The following MAML3 variants were observed in gnomAD, a reference collection of about 807,000 sequenced individuals.
MAML3 encodes mastermind like transcriptional coactivator 3.
A neutral mutation model predicts 101.9 loss-of-function variants in MAML3; 27 were observed. The observed-to-expected ratio is 0.27, with a 90% CI of 0.20 to 0.37. The LOEUF is 0.37. Ranked by LOEUF, MAML3 falls within the 10% of genes least tolerant of loss-of-function variation. The probability of loss-of-function intolerance (pLI) is 1.00; values close to 1 mark genes in which losing one functional copy is unlikely to be tolerated. For synonymous variants in MAML3, 501 were observed against 555.9 expected (o/e 0.90, Z 1.39); for missense variants, 1,316 against 1,444.9 (o/e 0.91, Z 1.45).
intron 4 of MAML3, among the ~76,000 whole-genome samples, chr4:139,720,721 T>C (rs1336529056): frequency 6.6e-6 from 1 of 152,234 alleles, no homozygotes. Context: ...CGTACTCTTA[T>C]AGGTATGACA....
At chr4:140,137,077 C>T (rs1728901421) in intron 1 of MAML3, among the ~76,000 whole-genome samples, 1 of 152,270 alleles carries the variant, frequency 6.6e-6, no homozygotes, top group African/African-American at 2.4e-5. Flanking sequence ...CAGGCTCCGC[C>T]TCCCGGGTTC....
chr4:139,869,609 G>A (rs746426067), intron 2 of MAML3, among the ~76,000 whole-genome samples: 9 of 152,136 alleles, frequency 5.9e-5, no homozygotes, highest in Non-Finnish European at 1.5e-5. Context: ...AAATACACCA[G>A]CACCTATGTG....
At chr4:139,742,955 C>T (rs892528555) in intron 2 of MAML3, among the ~76,000 whole-genome samples, 3 of 152,186 alleles carry the variant, frequency 2.0e-5, no homozygotes, top group Non-Finnish European at 4.4e-5. Context: ...GCACCAGTTT[C>T]CTAATTTCTT....
chr4:139,993,063 C>G (rs1289013639), intron 1 of MAML3, among the ~76,000 whole-genome samples: 5 of 152,208 alleles, frequency 3.3e-5, no homozygotes, highest in Admixed American at 1.3e-4. Flanking sequence ...AAAATATAGA[C>G]ATACAGGGCC....
chr4:140,021,849 C>G (rs1726738624), intron 1 of MAML3, among the ~76,000 whole-genome samples: 1 of 152,190 alleles, frequency 6.6e-6, no homozygotes. Flanking sequence ...AGGTCCACCC[C>G]ACTCCATCAG....
At chr4:140,146,460 A>G (rs974298590) in intron 1 of MAML3, among the ~76,000 whole-genome samples, 2 of 152,230 alleles carry the variant, frequency 1.3e-5, no homozygotes, top group Admixed American at 6.5e-5. Flanking sequence ...TTTTCTGCAT[A>G]ATTTTATCTA....
At chr4:139,750,591 A>G (rs6845848) in intron 2 of MAML3, among the ~76,000 whole-genome samples, 62,089 of 152,002 alleles carry the variant, frequency 0.41, 14,542 homozygotes, top group Middle Eastern at 0.54. Context: ...GACACACTGG[A>G]ATTCACTCCT....
At chr4:140,027,256 T>C (rs1355946575) in intron 1 of MAML3, among the ~76,000 whole-genome samples, 1 of 152,210 alleles carries the variant, frequency 6.6e-6, no homozygotes, top group East Asian at 1.9e-4. Context: ...GCTCCAGTTG[T>C]TTTCCTCATG....
At chr4:140,065,225 A>T (rs1727514717) in intron 1 of MAML3, among the ~76,000 whole-genome samples, 1 of 152,158 alleles carries the variant, frequency 6.6e-6, no homozygotes, top group Non-Finnish European at 1.5e-5. Context: ...ATAGTGAGAG[A>T]TGTGAAAAGT....
intron 1 of MAML3, among the ~76,000 whole-genome samples, chr4:139,965,957 GA>G (rs1164498569): frequency 2.0e-5 from 3 of 152,170 alleles, no homozygotes; most frequent in Non-Finnish European, 4.4e-5. Flanking sequence ...GGGCACTGGT[GA>G]AAAACTATCT....
chr4:139,832,571 C>A (rs1280693756), intron 2 of MAML3, among the ~76,000 whole-genome samples: 1 of 152,162 alleles, frequency 6.6e-6, no homozygotes, highest in Non-Finnish European at 1.5e-5. Context: ...TTCTTCCCAA[C>A]TTCGTTCTTC....
intron 1 of MAML3, among the ~76,000 whole-genome samples, chr4:140,100,940 A>G (rs542650538): frequency 5.9e-5 from 9 of 152,268 alleles, no homozygotes; most frequent in Admixed American, 5.9e-4. Flanking sequence ...TGTAAGAAAT[A>G]TGAGTACCCT....
At chr4:140,110,652 A>T (rs1482020255) in intron 1 of MAML3, among the ~76,000 whole-genome samples, 4 of 151,980 alleles carry the variant, frequency 2.6e-5, no homozygotes, top group African/African-American at 9.7e-5. Flanking sequence ...GGCAACATTC[A>T]AAGTCACATG....
intron 2 of MAML3, among the ~76,000 whole-genome samples, chr4:139,798,025 G>GGAGA (rs373492658): frequency 5.8e-4 from 75 of 128,842 alleles, no homozygotes; most frequent in African/African-American, 1.9e-3. Flanking sequence ...AGGAAAGAAA[G>GGAGA]GAGAGAGAGA....
At chr4:139,974,617 A>G (rs1008594356) in intron 1 of MAML3, among the ~76,000 whole-genome samples, 4 of 152,186 alleles carry the variant, frequency 2.6e-5, no homozygotes, top group African/African-American at 4.8e-5. Flanking sequence ...AAAATGAAGG[A>G]GTCAGAAGAG....
chr4:140,030,469 T>C (rs1726890347), intron 1 of MAML3, among the ~76,000 whole-genome samples: 1 of 152,106 alleles, frequency 6.6e-6, no homozygotes, highest in Non-Finnish European at 1.5e-5. Flanking sequence ...CAGAGGAAAA[T>C]AAGGGCCAGG....
At chr4:139,761,137 T>C (rs1729749858) in intron 2 of MAML3, among the ~76,000 whole-genome samples, 2 of 152,154 alleles carry the variant, frequency 1.3e-5, no homozygotes, top group African/African-American at 4.8e-5. Flanking sequence ...TTTTGTATTT[T>C]TTAGTAGAGA....
intron 3 of MAML3, among the ~76,000 whole-genome samples, chr4:139,730,112 C>T (rs2110986848): frequency 6.6e-6 from 1 of 152,338 alleles, no homozygotes; most frequent in Admixed American, 6.5e-5. Flanking sequence ...GCTGATTACA[C>T]AGACCCCTGT....
intron 1 of MAML3, among the ~76,000 whole-genome samples, chr4:140,081,496 A>G (rs1435854738): frequency 6.6e-6 from 1 of 152,232 alleles, no homozygotes; most frequent in Non-Finnish European, 1.5e-5. Context: ...TTCAAGTTCA[A>G]TAACATAAAT....
Sources: allele counts gnomAD v4.1 joint callset (sites outside exome capture counted in the v4.1 genomes callset), GRCh38; gene constraint gnomAD v4.1.1; transcripts MANE v1.5; gene names NCBI Gene and HGNC (gene_info 2026-07-23, HGNC 2026-07-21).